Variants in QSER1 observed in about 807,000 individuals in gnomAD.
The protein encoded by QSER1 is glutamine and serine rich 1.
Under a neutral mutation model 158.5 loss-of-function variants are expected in QSER1, and 49 were observed. That is an observed-to-expected ratio of 0.31 (90% CI 0.25 to 0.39). The LOEUF (loss-of-function observed/expected upper bound fraction) is 0.39, where lower values mean the gene tolerates loss of function less well. QSER1 is among the 10% of genes least tolerant of loss of function. The pLI is 1.00. For missense variants in QSER1, 1,754 were observed against 2,010.3 expected, an observed-to-expected ratio of 0.87 and a Z score of 2.44; for synonymous variants, 650 against 715.5, an observed-to-expected ratio of 0.91 and a Z score of 1.46.
intron 8 of QSER1, among the ~76,000 whole-genome samples, chr11:32,961,978 A>G (rs1486471394): frequency 6.6e-6 from 1 of 152,154 alleles, no homozygotes; most frequent in Non-Finnish European, 1.5e-5. Flanking sequence ...CCTATTTTCA[A>G]TTTTGGAGGC....
At position 32,933,960 on chromosome 11, in the gene QSER1, G is replaced by T; in HGVS notation, c.2702G>T (p.Gly901Val). The T allele has an allele frequency of 6.2e-7, 1 of 1,613,962 alleles. No individual in the cohort carries two copies. The highest frequency in any genetic ancestry group is 8.5e-7 in the Non-Finnish European group (1 of 1,179,976). Residue 901 changes from glycine (G) to valine (V), a missense_variant, in exon 4 of 13, where the codon GGT (glycine) becomes GTT (valine). Physicochemically the swap from Gly to Val is moderately radical, Grantham distance 109. Around this residue, in one of 2 missense-constraint regions of QSER1, gnomAD observed 1,707 missense variants for 1,919.6 expected, o/e 0.89. Coordinates refer to ENST00000650167, the MANE Select transcript of QSER1 (RefSeq NM_001076786.3). ...GTACATCCCTTCCTTCAGATGGAAG[G>T]TCATGTTATTCAAAGCAATGGTGAT... is the stretch of plus-strand genomic sequence containing the variant. ...QIVHPFLQMEGHVIQSNGDHS... is the reference protein window; with the variant it reads ...QIVHPFLQMEVHVIQSNGDHS...
chr11:32,905,308 G>A (rs2133498062), intron 1 of QSER1, among the ~76,000 whole-genome samples: 1 of 152,348 alleles, frequency 6.6e-6, no homozygotes, highest in South Asian at 2.1e-4. Flanking sequence ...ACTTTTGCTT[G>A]GATCTGCTTA....
At chr11:32,953,800 A>T (rs1678014979) in intron 4 of QSER1, 57 bp from the exon 5 acceptor site, 1 of 1,529,354 alleles carries the variant, frequency 6.5e-7, no homozygotes, top group Non-Finnish European at 8.8e-7. Flanking sequence ...AGTTTTACAC[A>T]AAACAAGTGT....
intron 7 of QSER1, among the ~76,000 whole-genome samples, chr11:32,957,141 TTTTTTTTTTC>T (rs1412535503): frequency 4.7e-5 from 7 of 149,688 alleles, no homozygotes; most frequent in South Asian, 2.1e-4. Context: ...TTTCTTTTTT[TTTTTTTTTTC>T]TTTTTTTTGA....
chr11:32,953,379 G>T (rs1238801032), intron 4 of QSER1, among the ~76,000 whole-genome samples: 1 of 151,048 alleles, frequency 6.6e-6, no homozygotes, highest in Non-Finnish European at 1.5e-5. Context: ...TTTAAGTAGG[G>T]TCTTGTTCTG....
At position 32,927,997 on chromosome 11, in the gene QSER1, G is replaced by T; in HGVS notation, c.358G>T (p.Ala120Ser). The change falls in exon 3 of 13, where the codon GCC becomes TCC. Residue 120 changes from alanine to serine, a missense_variant. Ala to Ser is a moderately conservative substitution (Grantham distance 99, BLOSUM62 1). Around this residue, in one of 2 missense-constraint regions of QSER1, gnomAD observed 1,707 missense variants for 1,919.6 expected, o/e 0.89. Coordinates refer to ENST00000650167, the MANE Select transcript of QSER1 (RefSeq NM_001076786.3). ...SGIFDTSVNS[A>S]SSNTKESSVM... ...AATATTTGATACTAGTGTGAACAGTGCCAGCAGTAACACTAAAGAGTCTTC... is the reference window on the plus strand; with the variant it reads ...AATATTTGATACTAGTGTGAACAGTTCCAGCAGTAACACTAAAGAGTCTTC... The T allele has an allele frequency of 7.5e-7, 1 of 1,325,758 alleles. No individual in the cohort carries two copies. The allele number at this position is 1,325,758 out of a possible 1,614,324, so 82.1% of individuals were successfully genotyped here. A position where few individuals can be genotyped will look rare whatever the true frequency, so the allele number is the denominator to read the frequency against.
Position 32,966,290 on chromosome 11 carries a change from T to C in QSER1, c.4970-10T>C, listed in dbSNP as rs1456599513. 1 of 1,610,728 alleles carries C rather than the reference T, an allele frequency of 6.2e-7. No individual in the cohort carries two copies. Among genetic ancestry groups the C allele is most frequent in the South Asian group, 1.1e-5 (1 of 90,254 alleles). ...GGAAAATTTAATATTTAACCCTTTCTCCCTCCCAGAATTTGAACCTCCCGC... is the reference window on the plus strand; with the variant it reads ...GGAAAATTTAATATTTAACCCTTTCCCCCTCCCAGAATTTGAACCTCCCGC... On this transcript the variant is annotated splice_polypyrimidine_tract_variant and intron_variant, in intron 8 of 12. Coordinates refer to ENST00000650167, the MANE Select transcript of QSER1 (RefSeq NM_001076786.3).
Position 32,969,160 on chromosome 11 carries a change from A to G in QSER1, c.5205+17A>G, listed in dbSNP as rs370498196. On this transcript the variant is annotated intron_variant, in intron 10 of 12. Coordinates refer to ENST00000650167, the MANE Select transcript of QSER1 (RefSeq NM_001076786.3). ...TCATTCAAGGTATTTCCTTCTGATG[A>G]CTTATTAGCAAAACTCAATGGCAGT... 148 of 1,435,786 alleles carry G rather than the reference A, an allele frequency of 1.0e-4. No homozygotes were observed. The African/African-American group carries it at 1.9e-3, about 19-fold the overall frequency. 88.9% of individuals were successfully genotyped at this position (1,435,786 alleles called of 1,614,324 possible).
At chr11:32,910,817 T>C (rs1216770893) in intron 1 of QSER1, among the ~76,000 whole-genome samples, 1 of 152,222 alleles carries the variant, frequency 6.6e-6, no homozygotes, top group Non-Finnish European at 1.5e-5. Context: ...CACTTTCTTC[T>C]TCCTGTTCCA....
At chr11:32,943,354 G>T (rs1234189496) in intron 4 of QSER1, among the ~76,000 whole-genome samples, 1 of 149,334 alleles carries the variant, frequency 6.7e-6, no homozygotes, top group Admixed American at 6.7e-5. Context: ...CATTCAGTAT[G>T]ATATTGGCTG....
chr11:32,950,043 AAC>A (rs1253252110), intron 4 of QSER1, among the ~76,000 whole-genome samples: 1 of 152,138 alleles, frequency 6.6e-6, no homozygotes, highest in African/African-American at 2.4e-5. Context: ...CCTATGGTCA[AAC>A]ACCCCTTCTG....
intron 1 of QSER1, among the ~76,000 whole-genome samples, chr11:32,913,166 A>G (rs1160313691): frequency 3.9e-5 from 4 of 102,618 alleles, no homozygotes. Flanking sequence ...TCCCTGGATA[A>G]TTTCTCCTCT....
chr11:32,928,471 T>TA (rs1201026018), intron 3 of QSER1, among the ~76,000 whole-genome samples: 5 of 152,002 alleles, frequency 3.3e-5, no homozygotes, highest in African/African-American at 9.7e-5. Context: ...GGTGTTATAG[T>TA]AAAAAAAATC....
At chr11:32,942,511 T>G (rs1156654723) in intron 4 of QSER1, among the ~76,000 whole-genome samples, 1 of 151,074 alleles carries the variant, frequency 6.6e-6, no homozygotes, top group Admixed American at 6.6e-5. Flanking sequence ...ATTGCTTGTT[T>G]TTCTCAGGTT....
chr11:32,946,872 A>C (rs1038988076), intron 4 of QSER1, among the ~76,000 whole-genome samples: 2 of 152,064 alleles, frequency 1.3e-5, no homozygotes, highest in African/African-American at 4.8e-5. Flanking sequence ...CTGTGCTAGC[A>C]ATCAGCGAGA....
Position 32,932,334 on chromosome 11 carries a change from A to G in QSER1, c.1076A>G (p.Gln359Arg), listed in dbSNP as rs201572733. ...SVVNFQETTR[Q>R]SSLSCSPIGD... ...GTTAATTTTCAGGAAACAACCAGGC[A>G]GTCATCTTTATCCTGTAGCCCAATT... Residue 359 changes from glutamine to arginine, a missense_variant, in exon 4 of 13, where the codon CAG (glutamine) becomes CGG (arginine). By Grantham distance (43) the Gln-to-Arg change is conservative. Around this residue, in one of 2 missense-constraint regions of QSER1, gnomAD observed 1,707 missense variants for 1,919.6 expected, o/e 0.89. Transcript: ENST00000650167. 15 of 1,612,922 alleles carry G rather than the reference A, an allele frequency of 9.3e-6. No individual in the cohort carries two copies. Among genetic ancestry groups the G allele is most frequent in the Non-Finnish European group, 1.3e-5 (15 of 1,180,032 alleles).
At chr11:32,963,254 C>T (rs1852660145) in intron 8 of QSER1, among the ~76,000 whole-genome samples, 1 of 151,610 alleles carries the variant, frequency 6.6e-6, no homozygotes, top group Non-Finnish European at 1.5e-5. Context: ...ATCCCAGGCT[C>T]ATGTGATCCT....
chr11:32,975,550 C>A, intron 12 of QSER1: 1 of 1,406,106 alleles, frequency 7.1e-7, no homozygotes, highest in Non-Finnish European at 9.4e-7. Context: ...CTCACCACCT[C>A]TTGTAGGAGC....
chr11:32,907,615 A>G (rs1371205531), intron 1 of QSER1, among the ~76,000 whole-genome samples: 1 of 152,246 alleles, frequency 6.6e-6, no homozygotes, highest in African/African-American at 2.4e-5. Flanking sequence ...ACTGTGTTAC[A>G]TGTTGAGAAG....
Sources: allele counts gnomAD v4.1 joint callset (sites outside exome capture counted in the v4.1 genomes callset), GRCh38; gene constraint gnomAD v4.1.1; regional missense constraint gnomAD v4.1.1; transcripts MANE v1.5; gene names NCBI Gene and HGNC (gene_info 2026-07-23, HGNC 2026-07-21).